The following ANKS1B variants were observed in gnomAD, a reference collection of about 807,000 sequenced individuals.
ANKS1B encodes ankyrin repeat and sterile alpha motif domain containing 1B, also known as ankyrin repeat and sterile alpha motif domain-containing protein 1B.
ANKS1B carries 36 observed loss-of-function variants against 148.3 expected under a neutral mutation model. That is an observed-to-expected ratio of 0.24 (90% CI 0.19 to 0.32). The LOEUF (loss-of-function observed/expected upper bound fraction) is 0.32, where lower values mean the gene tolerates loss of function less well. Among genes scored for constraint, ANKS1B ranks in the 10% least tolerant of loss-of-function variants. The pLI is 1.00. For synonymous variants in ANKS1B, 542 were observed against 560.8 expected (o/e 0.97, Z 0.47); for missense variants, 1,157 against 1,542.6 (o/e 0.75, Z 4.19).
chr12:99,304,561 G>T (rs778615547), intron 12 of ANKS1B, among the ~76,000 whole-genome samples: 13 of 152,074 alleles, frequency 8.5e-5, no homozygotes, highest in African/African-American at 3.1e-4. Flanking sequence ...TGTTCCTGCT[G>T]ACAGCTTTAC....
chr12:99,438,971 T>A (rs2095505394), intron 11 of ANKS1B, among the ~76,000 whole-genome samples: 1 of 151,876 alleles, frequency 6.6e-6, no homozygotes, highest in South Asian at 2.1e-4. Flanking sequence ...AGTTATTTTT[T>A]AAAAAAGCAA....
At chr12:98,793,626 A>T (rs1447131473) in intron 22 of ANKS1B, among the ~76,000 whole-genome samples, 1 of 152,238 alleles carries the variant, frequency 6.6e-6, no homozygotes, top group Non-Finnish European at 1.5e-5. Flanking sequence ...GGACCCAAAC[A>T]TTGCAATAGC....
chr12:98,769,978 G>A (rs973096288), intron 25 of ANKS1B, among the ~76,000 whole-genome samples: 1 of 152,156 alleles, frequency 6.6e-6, no homozygotes, highest in African/African-American at 2.4e-5. Context: ...ATGGCAGTAG[G>A]AAAACTTTGG....
intron 8 of ANKS1B, among the ~76,000 whole-genome samples, chr12:99,717,622 C>T (rs2057501184): frequency 1.3e-5 from 2 of 152,198 alleles, no homozygotes; most frequent in African/African-American, 4.8e-5. Flanking sequence ...GGCTCTCTGA[C>T]TGACTCCTTC....
At chr12:99,103,427 G>C (rs2051810777) in intron 15 of ANKS1B, among the ~76,000 whole-genome samples, 1 of 151,876 alleles carries the variant, frequency 6.6e-6, no homozygotes, top group Non-Finnish European at 1.5e-5. Flanking sequence ...ACTCTTCTTG[G>C]TCTCATTTTT....
intron 1 of ANKS1B, among the ~76,000 whole-genome samples, chr12:99,835,547 C>A (rs144846786): frequency 6.6e-6 from 1 of 152,118 alleles, no homozygotes; most frequent in East Asian, 1.9e-4. Context: ...CCTAGTATAT[C>A]AAAAACATTA....
At chr12:98,869,648 G>T (rs2152351473) in intron 17 of ANKS1B, among the ~76,000 whole-genome samples, 1 of 151,948 alleles carries the variant, frequency 6.6e-6, no homozygotes, top group East Asian at 1.9e-4. Context: ...GAGCTACAAA[G>T]GTACAAATTA....
intron 16 of ANKS1B, among the ~76,000 whole-genome samples, chr12:99,057,394 T>C (rs2153544585): frequency 6.6e-6 from 1 of 152,364 alleles, no homozygotes; most frequent in East Asian, 1.9e-4. Context: ...CATAATATTC[T>C]GCCATTGGCT....
intron 17 of ANKS1B, among the ~76,000 whole-genome samples, chr12:98,928,877 C>T (rs2099811279): frequency 6.6e-6 from 1 of 151,900 alleles, no homozygotes; most frequent in East Asian, 1.9e-4. Flanking sequence ...TTCCCTTTCC[C>T]AAGACAAAGC....
intron 9 of ANKS1B, among the ~76,000 whole-genome samples, chr12:99,575,345 G>A (rs776090636): frequency 3.3e-5 from 5 of 152,070 alleles, no homozygotes; most frequent in Non-Finnish European, 5.9e-5. Context: ...AAATGATAAG[G>A]GAATTCTTAC....
At chr12:99,660,691 CT>C (rs1439710442) in intron 8 of ANKS1B, among the ~76,000 whole-genome samples, 1 of 152,128 alleles carries the variant, frequency 6.6e-6, no homozygotes, top group East Asian at 1.9e-4. Flanking sequence ...CCAATGTTGT[CT>C]TTAACCTGTT....
intron 14 of ANKS1B, among the ~76,000 whole-genome samples, chr12:99,217,729 A>C (rs11837551): frequency 0.066 from 10,051 of 152,132 alleles, 1,093 homozygotes; most frequent in African/African-American, 0.23. Flanking sequence ...TAACTAGAAG[A>C]AGCTTGCCAA....
intron 17 of ANKS1B, among the ~76,000 whole-genome samples, chr12:99,010,295 G>C (rs1049182883): frequency 6.6e-6 from 1 of 152,168 alleles, no homozygotes; most frequent in Non-Finnish European, 1.5e-5. Flanking sequence ...AGTAATATTG[G>C]TCCCTGCCTC....
At chr12:99,632,919 C>G (rs1472179012) in intron 9 of ANKS1B, among the ~76,000 whole-genome samples, 2 of 74,186 alleles carry the variant, frequency 2.7e-5, no homozygotes, top group African/African-American at 1.0e-4. Context: ...CTCCCCCCAC[C>G]CCACCACAGG....
intron 1 of ANKS1B, among the ~76,000 whole-genome samples, chr12:99,849,950 C>T (rs1181509865): frequency 1.3e-5 from 2 of 151,920 alleles, no homozygotes; most frequent in African/African-American, 4.8e-5. Flanking sequence ...ATTTACATAC[C>T]TCTCTGTGGG....
At chr12:98,963,320 C>G (rs1397144884) in intron 17 of ANKS1B, among the ~76,000 whole-genome samples, 10 of 151,834 alleles carry the variant, frequency 6.6e-5, no homozygotes, top group Non-Finnish European at 1.5e-5. Flanking sequence ...ACTGGGATTA[C>G]AGGTGTGCCA....
rs115959318 is a variant in ANKS1B, at chr12:99,892,984, T to C, written c.135-67595A>G. On this transcript the variant is annotated intron_variant, in intron 1 of 26. Coordinates refer to ENST00000683438, the MANE Select transcript of ANKS1B (RefSeq NM_001352186.2). ...TGACATTAGAGGACCCCCCACCATG[T>C]CTGCTCACTCCACAGTAATAAGCTT... is the stretch of plus-strand genomic sequence containing the variant. 6.8e-3 allele frequency among the ~76,000 whole-genome samples: 1,039 copies of C among 152,266 alleles called. 17 individuals carry two copies. Among genetic ancestry groups the C allele is most frequent in the African/African-American group, 0.024 (985 of 41,556 alleles).
chr12:99,892,540 A>G (rs2093168665), intron 1 of ANKS1B, among the ~76,000 whole-genome samples: 1 of 152,364 alleles, frequency 6.6e-6, no homozygotes, highest in East Asian at 1.9e-4. Flanking sequence ...GAAAAAGCCA[A>G]GAAAACAACC....
chr12:99,724,052 C>CAA (rs60942475), intron 8 of ANKS1B, among the ~76,000 whole-genome samples: 1 of 143,772 alleles, frequency 7.0e-6, no homozygotes, highest in Non-Finnish European at 1.5e-5. Context: ...AAAGGATCAA[C>CAA]AAAAAAAAAA....
Sources: gnomAD v4.1 joint callset for allele counts (sites outside exome capture counted in the v4.1 genomes callset) on GRCh38, gnomAD v4.1.1 for gene constraint, MANE v1.5 for transcripts, NCBI Gene and HGNC (gene_info 2026-07-23, HGNC 2026-07-21) for gene names.